The following PLCL2 variants were observed in gnomAD, a reference collection of about 807,000 sequenced individuals.
The protein encoded by PLCL2 is phospholipase C like 2, also known as inactive phospholipase C-like protein 2.
A neutral mutation model predicts 79.6 loss-of-function variants in PLCL2; 4 were observed. The ratio of observed to expected loss-of-function variants is 0.05; its 90% CI spans 0.02 to 0.11. The LOEUF (loss-of-function observed/expected upper bound fraction) is 0.11. Ranked by LOEUF, PLCL2 falls within the 10% of genes least tolerant of loss-of-function variation. The pLI, the probability that PLCL2 is intolerant of heterozygous loss-of-function variation, is 1.00. For synonymous variants in PLCL2, 484 were observed against 457.7 expected (o/e 1.06, Z -0.73); for missense variants, 895 against 1,291.0 (o/e 0.69, Z 4.70).
chr3:17,048,909 A>C (rs993237715), intron 4 of PLCL2, among the ~76,000 whole-genome samples: 1 of 152,218 alleles, frequency 6.6e-6, no homozygotes, highest in African/African-American at 2.4e-5. Context: ...GAAGCAGAGA[A>C]GAGTCATGAC....
intron 3 of PLCL2, among the ~76,000 whole-genome samples, chr3:17,034,279 C>G (rs544680243): frequency 6.6e-6 from 1 of 152,116 alleles, no homozygotes; most frequent in African/African-American, 2.4e-5. Context: ...GGGATGGCAT[C>G]CTGTCCAGGG....
intron 1 of PLCL2, among the ~76,000 whole-genome samples, chr3:16,966,572 G>T (rs1202575168): frequency 2.0e-5 from 3 of 151,730 alleles, no homozygotes; most frequent in Non-Finnish European, 2.9e-5. Flanking sequence ...TCTGTTGATT[G>T]TAGTCTCAGA....
Position 17,023,866 on chromosome 3 carries a change from TG to T in PLCL2, c.3018+8957del, listed in dbSNP as rs1361782656. Reference sequence around the variant, plus strand: ...CTCTGAAACTTGTCCTTTGAATAGGTGGAAAGCTCCAGGGAAAACATGATTC... The same window carrying T: ...CTCTGAAACTTGTCCTTTGAATAGGTGAAAGCTCCAGGGAAAACATGATTC... On this transcript the variant is annotated intron_variant, in intron 3 of 5. Coordinates refer to ENST00000615277, the MANE Select transcript of PLCL2 (RefSeq NM_001144382.2). 2.0e-5 allele frequency among the ~76,000 whole-genome samples: 3 copies of T among 152,156 alleles called. No individual in the cohort carries two copies. In the East Asian group the frequency reaches 5.8e-4, roughly 29 times the overall value.
At chr3:17,076,653 C>G (rs1049711660) in intron 5 of PLCL2, among the ~76,000 whole-genome samples, 7 of 152,148 alleles carry the variant, frequency 4.6e-5, no homozygotes, top group African/African-American at 1.7e-4. Flanking sequence ...CAGGCACGTG[C>G]TACCATGCCT....
Position 16,955,828 on chromosome 3 carries a change from T to C in PLCL2, c.328-53846T>C, listed in dbSNP as rs1157685346. Among the ~76,000 whole-genome samples, 7 of 152,286 alleles carry C rather than the reference T, an allele frequency of 4.6e-5. No homozygotes were observed. In the East Asian group the frequency reaches 1.3e-3, roughly 29 times the overall value. On this transcript the variant is annotated intron_variant, in intron 1 of 5. Coordinates refer to ENST00000615277, the MANE Select transcript of PLCL2 (RefSeq NM_001144382.2). ...GTTCACTCATGATTTGGCTCTCTGT[T>C]TGTCTGTTATTGGTGTATAAGAATG...
chr3:16,898,977 A>C (rs1696556070), intron 1 of PLCL2, among the ~76,000 whole-genome samples: 1 of 152,252 alleles, frequency 6.6e-6, no homozygotes, highest in African/African-American at 2.4e-5. Context: ...GCCATTTGGC[A>C]GTAATACTTG....
intron 3 of PLCL2, among the ~76,000 whole-genome samples, chr3:17,026,505 A>G (rs2064518732): frequency 6.6e-6 from 1 of 152,168 alleles, no homozygotes; most frequent in South Asian, 2.1e-4. Flanking sequence ...CTTTGTAGTT[A>G]TATTCTGACA....
intron 4 of PLCL2, among the ~76,000 whole-genome samples, chr3:17,066,300 A>T (rs1396112586): frequency 6.6e-6 from 1 of 152,202 alleles, no homozygotes; most frequent in Non-Finnish European, 1.5e-5. Context: ...TGAGGTTCCC[A>T]TACCTTATTA....
intron 1 of PLCL2, among the ~76,000 whole-genome samples, chr3:16,944,760 T>G (rs1240363048): frequency 2.3e-5 from 3 of 132,356 alleles, no homozygotes; most frequent in African/African-American, 5.3e-5. Context: ...GTACTCCGGG[T>G]TTTTTTTTTT....
At chr3:16,911,869 C>T (rs1696889284) in intron 1 of PLCL2, among the ~76,000 whole-genome samples, 1 of 152,196 alleles carries the variant, frequency 6.6e-6, no homozygotes, top group African/African-American at 2.4e-5. Context: ...ATTCCATACC[C>T]TAACAGCACC....
At chr3:16,946,115 A>G (rs2063598634) in intron 1 of PLCL2, among the ~76,000 whole-genome samples, 1 of 152,168 alleles carries the variant, frequency 6.6e-6, no homozygotes, top group Non-Finnish European at 1.5e-5. Flanking sequence ...AATCTTCCAG[A>G]CTGAGGTAGC....
At chr3:16,944,454 G>A in intron 1 of PLCL2, among the ~76,000 whole-genome samples, 1 of 151,022 alleles carries the variant, frequency 6.6e-6, no homozygotes, top group East Asian at 1.9e-4. Context: ...AACCCTTAGT[G>A]CCTCAGACTG....
chr3:17,088,320 G>T (rs1413833628), intron 5 of PLCL2, among the ~76,000 whole-genome samples: 1 of 152,088 alleles, frequency 6.6e-6, no homozygotes, highest in Admixed American at 6.6e-5. Flanking sequence ...CACACTGGGA[G>T]GCAGTTCAGA....
rs992170582 is a variant in PLCL2, at chr3:17,076,599, C to T, written c.3204+8534C>T. Among the ~76,000 whole-genome samples the T allele has an allele frequency of 3.9e-5, 6 of 151,944 alleles. No homozygotes were observed. In the East Asian group the frequency reaches 9.7e-4, roughly 25 times the overall value. On this transcript the variant is annotated intron_variant, in intron 5 of 5. Coordinates refer to ENST00000615277, the MANE Select transcript of PLCL2 (RefSeq NM_001144382.2). Reference sequence around the variant, plus strand: ...CTCATTGCAGCCTCAACCTTCTGGGCCGAAATGATCCTCTCATCTCAGCCT... The same window carrying T: ...CTCATTGCAGCCTCAACCTTCTGGGTCGAAATGATCCTCTCATCTCAGCCT...
chr3:16,932,385 T>C (rs1171593788), intron 1 of PLCL2, among the ~76,000 whole-genome samples: 1 of 152,234 alleles, frequency 6.6e-6, no homozygotes, highest in Non-Finnish European at 1.5e-5. Flanking sequence ...GACAATTAGA[T>C]TGAATTTTTT....
At chr3:17,012,637 G>A (rs2064339773) in intron 2 of PLCL2, among the ~76,000 whole-genome samples, 1 of 152,260 alleles carries the variant, frequency 6.6e-6, no homozygotes, top group African/African-American at 2.4e-5. Context: ...TGTATGCATA[G>A]TGAGCCTCCT....
chr3:17,003,963 A>G (rs1160405556), intron 1 of PLCL2, among the ~76,000 whole-genome samples: 2 of 152,226 alleles, frequency 1.3e-5, no homozygotes, highest in African/African-American at 2.4e-5. Flanking sequence ...GTTACCCTAG[A>G]TGGATACACT....
intron 5 of PLCL2, among the ~76,000 whole-genome samples, chr3:17,080,433 A>T (rs927653049): frequency 8.5e-5 from 13 of 152,134 alleles, no homozygotes; most frequent in Non-Finnish European, 8.8e-5. Flanking sequence ...TCCGTAGCCA[A>T]GACTCCTACA....
intron 3 of PLCL2, among the ~76,000 whole-genome samples, chr3:17,017,795 C>T (rs1198213783): frequency 6.6e-6 from 1 of 152,132 alleles, no homozygotes; most frequent in Non-Finnish European, 1.5e-5. Context: ...TTTATGCTAT[C>T]AAGATTGTGA....
Sources: allele counts gnomAD v4.1 joint callset (sites outside exome capture counted in the v4.1 genomes callset), GRCh38; gene constraint gnomAD v4.1.1; transcripts MANE v1.5; gene names NCBI Gene and HGNC (gene_info 2026-07-23, HGNC 2026-07-21).